Variants in ELP4 observed in about 807,000 individuals in gnomAD.
ELP4 encodes elongator complex protein 4.
ELP4 carries 51 observed loss-of-function variants against 48.9 expected under a neutral mutation model. The ratio of observed to expected loss-of-function variants is 1.04; its 90% CI spans 0.83 to 1.32. The LOEUF (loss-of-function observed/expected upper bound fraction) is 1.32, where lower values mean the gene tolerates loss of function less well. Ranked by LOEUF, ELP4 falls within the 40% of genes most tolerant of loss-of-function variation. ELP4 has a pLI of 0.00. For missense variants in ELP4, 519 were observed against 514.6 expected (o/e 1.01, Z -0.08); for synonymous variants, 210 against 189.2 (o/e 1.11, Z -0.90).
chr11:31,724,162 A>G (rs970852531), intron 9 of ELP4, among the ~76,000 whole-genome samples: 2 of 152,168 alleles, frequency 1.3e-5, no homozygotes, highest in African/African-American at 4.8e-5. Flanking sequence ...GGAAGTGGAA[A>G]GGAAGTTACC....
intron 9 of ELP4, among the ~76,000 whole-genome samples, chr11:31,703,258 CAG>C (rs1432081781): frequency 1.3e-5 from 2 of 152,116 alleles, no homozygotes; most frequent in African/African-American, 4.8e-5. Flanking sequence ...GAAAAGAAGA[CAG>C]GGGGTGCAGC....
At chr11:31,516,342 G>C (rs1045945059) in intron 1 of ELP4, among the ~76,000 whole-genome samples, 14 of 152,124 alleles carry the variant, frequency 9.2e-5, no homozygotes, top group Admixed American at 6.6e-5. Flanking sequence ...ACAGAAAAAG[G>C]CTATTGGGTA....
intron 9 of ELP4, chr11:31,664,590 T>G (rs1945632395): frequency 1.3e-5 from 2 of 152,196 alleles, no homozygotes; most frequent in Non-Finnish European, 2.9e-5. Flanking sequence ...TTTAAATTCA[T>G]GCTTTTATTA....
intron 2 of ELP4, among the ~76,000 whole-genome samples, chr11:31,532,881 C>G (rs2984815): frequency 0.087 from 13,087 of 150,196 alleles, 1,574 homozygotes; most frequent in African/African-American, 0.27. Context: ...AAGCAATTCT[C>G]CTGCCTCAGC....
chr11:31,666,641 G>A (rs1045745227), intron 9 of ELP4, among the ~76,000 whole-genome samples: 5 of 149,010 alleles, frequency 3.4e-5, no homozygotes, highest in South Asian at 2.1e-4. Flanking sequence ...GCAGTGAGCC[G>A]AGATTGCGCC....
At position 31,603,830 on chromosome 11, in the gene ELP4, A is replaced by G. The variant is rs1327193920; in HGVS notation, c.576A>G (p.Gln192=). The change falls in exon 5 of 10, where the codon CAA becomes CAG. Residue 192 remains glutamine, a synonymous_variant. Coordinates refer to ENST00000640961, the MANE Select transcript of ELP4 (RefSeq NM_019040.5). ...HYYDASKRMP[Q]ELIEASNWHG... ...ATGATGCATCAAAAAGAATGCCACA[A>G]GAACTAATTGAGGCTTCAAATTGGC... The G allele has an allele frequency of 1.9e-6, 3 of 1,611,644 alleles. No individual in the cohort carries two copies. Among genetic ancestry groups the G allele is most frequent in the East Asian group, 2.2e-5 (1 of 44,698 alleles).
intron 3 of ELP4, among the ~76,000 whole-genome samples, chr11:31,582,966 C>T (rs1271671788): frequency 2.0e-5 from 3 of 152,130 alleles, no homozygotes; most frequent in South Asian, 2.1e-4. Flanking sequence ...AAGAAATTAT[C>T]CTATCTTCAA....
intron 5 of ELP4, among the ~76,000 whole-genome samples, chr11:31,617,641 A>T (rs1261450741): frequency 6.6e-6 from 1 of 151,876 alleles, no homozygotes. Context: ...AAATCAGCAT[A>T]TTCTGTTAAT....
At chr11:31,594,158 T>C (rs889938055) in intron 3 of ELP4, among the ~76,000 whole-genome samples, 4 of 152,186 alleles carry the variant, frequency 2.6e-5, no homozygotes, top group African/African-American at 4.8e-5. Context: ...TTTTTATGTA[T>C]TTTATGGTTA....
chr11:31,599,495 A>ACACC (rs1957739499), intron 4 of ELP4: 1 of 18,658 alleles, frequency 5.4e-5, no homozygotes, highest in Admixed American at 3.9e-4. Context: ...ACACACACAC[A>ACACC]CACACACACA....
intron 3 of ELP4, among the ~76,000 whole-genome samples, chr11:31,545,501 C>T (rs942545295): frequency 1.3e-5 from 2 of 151,652 alleles, no homozygotes; most frequent in South Asian, 2.1e-4. Context: ...ACCAAATCTA[C>T]GTCTGATTGG....
chr11:31,576,328 A>G (rs1475135573), intron 3 of ELP4, among the ~76,000 whole-genome samples: 1 of 152,204 alleles, frequency 6.6e-6, no homozygotes, highest in Non-Finnish European at 1.5e-5. Context: ...TTAGACTCCC[A>G]CACAATAATA....
intron 5 of ELP4, among the ~76,000 whole-genome samples, chr11:31,605,530 A>G (rs1253120610): frequency 6.6e-6 from 1 of 152,154 alleles, no homozygotes; most frequent in South Asian, 2.1e-4. Flanking sequence ...CAATAATGCC[A>G]TACTGTCTCC....
chr11:31,509,796 G>T lies in ELP4; in HGVS notation c.12G>T (p.Val4=). ...CTGGAGGCTCTAAGATGGCGGCAGT[G>T]GCAACCTGCGGTAGTGTTGCCGCGA... MAA[V]ATCGSVAAST... is the part of the protein sequence containing the mutation. The change falls in exon 1 of 10, where the codon GTG becomes GTT. Residue 4 remains valine (V), a synonymous_variant. Coordinates refer to ENST00000640961, the MANE Select transcript of ELP4 (RefSeq NM_019040.5). 6.2e-7 allele frequency: 1 copy of T among 1,614,096 alleles called. No individual in the cohort carries two copies. Among genetic ancestry groups the T allele is most frequent in the Non-Finnish European group, 8.5e-7 (1 of 1,180,028 alleles).
chr11:31,537,024 C>CT (rs1956512702), intron 2 of ELP4, among the ~76,000 whole-genome samples: 1 of 152,074 alleles, frequency 6.6e-6, no homozygotes, highest in African/African-American at 2.4e-5. Context: ...CCAGTTCATG[C>CT]TTTCATGTCC....
chr11:31,673,159 G>A lies in ELP4; in HGVS notation c.1143+22938G>A, dbSNP rs548767685. 5.3e-5 allele frequency among the ~76,000 whole-genome samples: 8 copies of A among 152,158 alleles called. No homozygotes were observed. In the South Asian group the frequency reaches 1.7e-3, roughly 32 times the overall value. ...AGCCTCCCAAGTAGCTGGGACTACA[G>A]GTGTGCACCACCATGTCCGGCTAAT... On this transcript the variant is annotated intron_variant, in intron 9 of 9. Transcript: ENST00000640961.
intron 9 of ELP4, among the ~76,000 whole-genome samples, chr11:31,689,011 A>G (rs770874063): frequency 8.5e-5 from 13 of 152,160 alleles, no homozygotes; most frequent in African/African-American, 2.4e-4. Context: ...CAAAATTTCT[A>G]TGGCACATAA....
chr11:31,666,560 C>T (rs1373933045), intron 9 of ELP4, among the ~76,000 whole-genome samples: 3 of 151,676 alleles, frequency 2.0e-5, no homozygotes, highest in Admixed American at 6.6e-5. Flanking sequence ...GGTGTGGTGG[C>T]ATGTGCCTGT....
intron 3 of ELP4, among the ~76,000 whole-genome samples, chr11:31,589,939 A>G (rs1280375444): frequency 6.6e-6 from 1 of 152,222 alleles, no homozygotes; most frequent in Non-Finnish European, 1.5e-5. Flanking sequence ...CTCCATAAAT[A>G]GAATGAAAGC....
Sources: allele counts gnomAD v4.1 joint callset (sites outside exome capture counted in the v4.1 genomes callset), GRCh38; gene constraint gnomAD v4.1.1; transcripts MANE v1.5; gene names NCBI Gene and HGNC (gene_info 2026-07-23, HGNC 2026-07-21).